The following NOTCH2NLR variants were observed in gnomAD, a reference collection of about 807,000 sequenced individuals.
NOTCH2NLR encodes the protein notch 2 N-terminal like R, also known as notch 2 N-terminal like R (pseudogene).
In NOTCH2NLR, 33 loss-of-function variants were observed where a neutral mutation model predicts 35.6. The ratio of observed to expected loss-of-function variants is 0.93; its 90% CI spans 0.70 to 1.24. NOTCH2NLR has a LOEUF of 1.24. Ranked by LOEUF, NOTCH2NLR falls within the 50% of genes most tolerant of loss-of-function variation. The pLI is 0.00. For synonymous variants in NOTCH2NLR, 103 were observed against 141.0 expected (o/e 0.73, Z 1.91); for missense variants, 276 against 362.2 (o/e 0.76, Z 1.93).
At chr1:120,765,921 G>A (rs1651186018) in intron 2 of NOTCH2NLR, among the ~76,000 whole-genome samples, 2 of 87,788 alleles carry the variant, frequency 2.3e-5, no homozygotes, top group Admixed American at 1.1e-4. Context: ...ATAAGTGGGA[G>A]CTGAACAATG....
chr1:120,770,845 A>C lies in NOTCH2NLR; in HGVS notation c.155+7136A>C. Among the ~76,000 whole-genome samples, 2 of 117,270 alleles carry C rather than the reference A, an allele frequency of 1.7e-5. 1 individual carries two copies. The highest frequency in any genetic ancestry group is 1.6e-4 in the Admixed American group (2 of 12,408). 76.9% of individuals were successfully genotyped at this position (117,270 alleles called of 152,430 possible). A position where few individuals can be genotyped will look rare whatever the true frequency, so the allele number is the denominator to read the frequency against. The stretch of plus-strand genomic sequence containing the variant: ...AGTGTGGAACATTTGAAAGTATACA[A>C]AAAGGGGACTTTTCAGATCAGGAAT... On this transcript the variant is annotated intron_variant, in intron 2 of 4. Coordinates refer to ENST00000624419, the Ensembl canonical transcript of NOTCH2NLR.
At chr1:120,729,552 C>G (rs1407779990) in intron 1 of NOTCH2NLR, among the ~76,000 whole-genome samples, 3,473 of 102,728 alleles carry the variant, frequency 0.034, no homozygotes, top group Non-Finnish European at 0.039. Flanking sequence ...GTAGACTTTA[C>G]TGAGCTGACA....
intron 2 of NOTCH2NLR, among the ~76,000 whole-genome samples, chr1:120,783,860 A>G (rs1373564077): frequency 4.6e-5 from 5 of 107,648 alleles, no homozygotes; most frequent in South Asian, 2.8e-4. Flanking sequence ...TTAAAACGGT[A>G]CATGGAGTGG....
At chr1:120,727,743 C>T (rs1204239828) in intron 1 of NOTCH2NLR, among the ~76,000 whole-genome samples, 4 of 114,904 alleles carry the variant, frequency 3.5e-5, no homozygotes, top group South Asian at 2.5e-4. Context: ...TGTCTCAGTT[C>T]GAATGCCTAA....
In NOTCH2NLR at chr1:120,744,672, TGA is replaced by T. The variant is rs1212679159; in HGVS notation, c.74-18954_74-18953del. ...ATTAGTCATCACTATAACTTTTTAT[TGA>T]GTGTGTATTTTATGTCAGACACAGT... On this transcript the variant is annotated intron_variant, in intron 1 of 4. Transcript: ENST00000624419. Among the ~76,000 whole-genome samples the T allele has an allele frequency of 5.9e-3, 149 of 25,110 alleles. 62 individuals carry two copies. Among genetic ancestry groups the T allele is most frequent in the African/African-American group, 9.2e-3 (14 of 1,518 alleles). The allele number at this position is 25,110 out of a possible 152,430, so 16.5% of individuals were successfully genotyped here.
chr1:120,783,821 A>T lies in NOTCH2NLR; in HGVS notation c.156-1153A>T, dbSNP rs1214073291. Among the ~76,000 whole-genome samples the T allele has an allele frequency of 1.8e-5, 2 of 111,882 alleles. 1 individual carries two copies. Among genetic ancestry groups the T allele is most frequent in the African/African-American group, 1.1e-4 (2 of 18,366 alleles). 73.4% of individuals were successfully genotyped at this position (111,882 alleles called of 152,430 possible). On this transcript the variant is annotated intron_variant, in intron 2 of 4. Transcript: ENST00000624419. ...CTTCACTGGGTTTTGAGTTAGACAG[A>T]GGGAGTCATAGAAGCCAAGGTAAAA...
intron 2 of NOTCH2NLR, among the ~76,000 whole-genome samples, chr1:120,779,564 A>G (rs1445899534): frequency 5.8e-5 from 7 of 121,364 alleles, no homozygotes; most frequent in African/African-American, 1.1e-4. Flanking sequence ...AAACATTCAT[A>G]TAGTTTTGCG....
At chr1:120,754,686 T>G (rs1276168163) in intron 1 of NOTCH2NLR, among the ~76,000 whole-genome samples, 1 of 112,452 alleles carries the variant, frequency 8.9e-6, no homozygotes, top group Non-Finnish European at 1.7e-5. Flanking sequence ...ATTCAACCTA[T>G]TTCAGCTAGT....
At chr1:120,743,822 C>A (rs1291439948) in intron 1 of NOTCH2NLR, among the ~76,000 whole-genome samples, 2 of 127,330 alleles carry the variant, frequency 1.6e-5, no homozygotes, top group Admixed American at 8.1e-5. Context: ...GCACATTTAA[C>A]AAATAGGTTT....
intron 1 of NOTCH2NLR, among the ~76,000 whole-genome samples, chr1:120,752,508 T>C (rs1429636985): frequency 0.014 from 534 of 39,554 alleles, 1 homozygote; most frequent in Admixed American, 0.021. Flanking sequence ...AAATAAAAAT[T>C]GAAGTTCAGG....
chr1:120,724,073 G>C, exon 1 of NOTCH2NLR: 1 of 1,303,168 alleles, frequency 7.7e-7, no homozygotes, highest in South Asian at 1.5e-5. Flanking sequence ...GCAGGAGGAG[G>C]GGAGGAGAGA....
chr1:120,790,314 G>T (rs1478559538), intron 3 of NOTCH2NLR, among the ~76,000 whole-genome samples: 1 of 112,202 alleles, frequency 8.9e-6, no homozygotes, highest in East Asian at 2.2e-4. Flanking sequence ...ACACCGGGCC[G>T]ATTCTGATCA....
Position 120,793,397 on chromosome 1 carries a change from T to C in NOTCH2NLR, c.652T>C (p.Cys218Arg). 4.9e-6 allele frequency: 7 copies of C among 1,439,914 alleles called. 1 individual carries two copies. The highest frequency in any genetic ancestry group is 6.5e-6 in the Non-Finnish European group (7 of 1,077,212). The allele number at this position is 1,439,914 out of a possible 1,614,324, so 89.2% of individuals were successfully genotyped here. ...CCTTCAGGGCTTCACAGGCCAGTAC[T>C]GTGACAGACTGTATGTGCCCTGTGC... Residue 218 changes from cysteine (C) to arginine (R), a missense_variant, in exon 4 of 5, where the codon TGT becomes CGT. Cys to Arg is a radical substitution (Grantham distance 180). Transcript: ENST00000624419.
rs1363662710 is a variant in NOTCH2NLR at position 120,790,239 on chromosome 1, C to T, written c.416-2922C>T. ...CCTTGTTAGCCAGAATGGTCTGGAT[C>T]GCCTGACCTCATGATCCACCCGCCT... On this transcript the variant is annotated intron_variant, in intron 3 of 4. Transcript: ENST00000624419. 2.8e-5 allele frequency among the ~76,000 whole-genome samples: 3 copies of T among 106,422 alleles called. 1 individual carries two copies. The highest frequency in any genetic ancestry group is 6.0e-5 in the African/African-American group (1 of 16,712). 69.8% of individuals were successfully genotyped at this position (106,422 alleles called of 152,430 possible).
At chr1:120,784,464 G>C (rs1454109253) in intron 2 of NOTCH2NLR, among the ~76,000 whole-genome samples, 2 of 116,804 alleles carry the variant, frequency 1.7e-5, no homozygotes, top group South Asian at 2.5e-4. Context: ...CTGTGTTATG[G>C]CCTTTGCATT....
At chr1:120,724,106 C>A in exon 1 of NOTCH2NLR, 1 of 1,338,802 alleles carries the variant, frequency 7.5e-7, no homozygotes, top group East Asian at 2.7e-5. Flanking sequence ...TATCGGGACC[C>A]CCTCCCCATG....
At chr1:120,785,104 T>C in exon 3 of NOTCH2NLR, 7 of 1,445,560 alleles carry the variant, frequency 4.8e-6, no homozygotes, top group Non-Finnish European at 6.5e-6. Context: ...TGCCTCAGGG[T>C]TTACAGGAGA....
chr1:120,789,692 G>T (rs1211054057), intron 3 of NOTCH2NLR, among the ~76,000 whole-genome samples: 1 of 69,736 alleles, frequency 1.4e-5, no homozygotes, highest in Non-Finnish European at 2.5e-5. Flanking sequence ...ATCAAAAGGT[G>T]TTGGTGGGGT....
chr1:120,763,580 G>T, intron 1 of NOTCH2NLR, 48 bp from the exon 2 acceptor site: 2 of 807,556 alleles, frequency 2.5e-6, no homozygotes, highest in South Asian at 1.5e-5. Flanking sequence ...GTGTCTGAGG[G>T]TTATGATTAG....
Sources: allele counts gnomAD v4.1 joint callset (sites outside exome capture counted in the v4.1 genomes callset), GRCh38; gene constraint gnomAD v4.1.1; transcripts MANE v1.5; gene names NCBI Gene and HGNC (gene_info 2026-07-23, HGNC 2026-07-21).